Variants in GFM1 observed in about 807,000 individuals in gnomAD.
GFM1 encodes elongation factor G, mitochondrial.
A neutral mutation model predicts 96.2 loss-of-function variants in GFM1; 62 were observed. The observed-to-expected ratio is 0.64, with a 90% CI of 0.53 to 0.80. The LOEUF (loss-of-function observed/expected upper bound fraction) is 0.80. Ranked by LOEUF, GFM1 falls within the 30% of genes least tolerant of loss-of-function variation. The pLI is 0.00. For missense variants in GFM1, 852 were observed against 916.6 expected (o/e 0.93, Z 0.91); for synonymous variants, 282 against 312.9 (o/e 0.90, Z 1.04).
chr3:158,671,666 C>T (rs1014098810), intron 13 of GFM1, among the ~76,000 whole-genome samples: 1 of 152,138 alleles, frequency 6.6e-6, no homozygotes, highest in African/African-American at 2.4e-5. Context: ...AGTTAAAATT[C>T]TGTCAGATAA....
chr3:158,664,233 T>TCAC (rs1723426546), intron 11 of GFM1, among the ~76,000 whole-genome samples: 1 of 152,208 alleles, frequency 6.6e-6, no homozygotes, highest in South Asian at 2.1e-4. Flanking sequence ...ACTTAAGAAG[T>TCAC]TACCACAAAC....
At chr3:158,659,264 T>C (rs1206420097) in intron 9 of GFM1, among the ~76,000 whole-genome samples, 1 of 152,166 alleles carries the variant, frequency 6.6e-6, no homozygotes, top group Non-Finnish European at 1.5e-5. Context: ...TTAATACCGC[T>C]AGTTGTGAAT....
At chr3:158,668,441 A>G (rs1723931113) in intron 13 of GFM1, among the ~76,000 whole-genome samples, 2 of 152,122 alleles carry the variant, frequency 1.3e-5, no homozygotes, top group Non-Finnish European at 2.9e-5. Flanking sequence ...GAACCCATGG[A>G]GAGGCCTGAC....
chr3:158,660,951 C>T lies in GFM1; in HGVS notation c.1299C>T (p.Asp433=), dbSNP rs751124729. 10 of 1,613,770 alleles carry T rather than the reference C, an allele frequency of 6.2e-6. No individual in the cohort carries two copies. Among genetic ancestry groups the T allele is most frequent in the Non-Finnish European group, 8.5e-6 (10 of 1,179,662 alleles). The change falls in exon 10 of 18, where the codon GAC becomes GAT. Residue 433 remains aspartate, a synonymous_variant. Transcript: ENST00000486715. ...GTGCTAGTGGAGACACATTCACAGA[C>T]AAAGCCAACAGCGGCCTTTCTATGG... ...IDCASGDTFT[D]KANSGLSMES...
chr3:158,666,731 C>T (rs1187783116), intron 13 of GFM1: 6 of 1,613,464 alleles, frequency 3.7e-6, no homozygotes, highest in Non-Finnish European at 5.1e-6. Flanking sequence ...TTGCATTTGC[C>T]AGGGAATAAT....
chr3:158,668,928 A>G lies in GFM1; in HGVS notation c.1601+2542A>G, dbSNP rs140797845. ...TGACTATAGGAATACTGTTAATCCAATTATGAATTACAATACTTTCGATAA... is the reference window on the plus strand; with the variant it reads ...TGACTATAGGAATACTGTTAATCCAGTTATGAATTACAATACTTTCGATAA... On this transcript the variant is annotated intron_variant, in intron 13 of 17. Coordinates refer to ENST00000486715, the MANE Select transcript of GFM1 (RefSeq NM_024996.7). The G allele has an allele frequency of 2.2e-5, 31 of 1,379,744 alleles. No individual in the cohort carries two copies. In the African/African-American group the frequency reaches 3.5e-4, roughly 16 times the overall value. 85.5% of individuals were successfully genotyped at this position (1,379,744 alleles called of 1,614,324 possible). A position where few individuals can be genotyped will look rare whatever the true frequency, so the allele number is the denominator to read the frequency against.
At chr3:158,655,485 G>A (rs1275751518) in intron 8 of GFM1, among the ~76,000 whole-genome samples, 6 of 136,518 alleles carry the variant, frequency 4.4e-5, no homozygotes, top group South Asian at 2.3e-4. Context: ...CTTCATCTCG[G>A]AAAAAAAAAA....
chr3:158,654,706 A>T, intron 8 of GFM1, 75 bp downstream of exon 8: 2 of 978,734 alleles, frequency 2.0e-6, no homozygotes, highest in Non-Finnish European at 3.3e-6. Context: ...CTATTACAGA[A>T]TGACTCTGAC....
chr3:158,653,431 C>G lies in GFM1; in HGVS notation c.962C>G (p.Ser321Cys). 1.2e-6 allele frequency: 2 copies of G among 1,613,276 alleles called. No individual in the cohort carries two copies. Among genetic ancestry groups the G allele is most frequent in the East Asian group, 4.5e-5 (2 of 44,816 alleles). The change falls in exon 7 of 18, where the codon TCT becomes TGT. Residue 321 changes from serine (S) to cysteine (C), a missense_variant. Ser to Cys is a moderately radical substitution (Grantham distance 112, BLOSUM62 -1). Coordinates refer to ENST00000486715, the MANE Select transcript of GFM1 (RefSeq NM_024996.7). ...DAVLEYLPNP[S>C]EVQNYAILNK... ...GTTTTAGAATACCTCCCAAATCCAT[C>G]TGAAGTCCAGAACTATGCTATTCTC...
rs1468559533 is a variant in GFM1 at position 158,646,893 on chromosome 3, T to C, written c.518T>C (p.Ile173Thr). ...TACAACGTTCCGTTTCTAACTTTTA[T>C]TAACAAATTGGACCGAATGGGCTCC... ...KRYNVPFLTF[I>T]NKLDRMGSNP... is the part of the protein sequence containing the mutation. Residue 173 changes from isoleucine (I) to threonine (T), a missense_variant, in exon 4 of 18, where the codon ATT becomes ACT. Transcript: ENST00000486715. The C allele has an allele frequency of 6.2e-7, 1 of 1,614,146 alleles. No individual in the cohort carries two copies. Among genetic ancestry groups the C allele is most frequent in the Admixed American group, 1.7e-5 (1 of 60,028 alleles).
rs1041900194 is a variant in GFM1, at chr3:158,671,158, T to G, written c.1601+4772T>G. 1.7e-5 allele frequency: 20 copies of G among 1,192,518 alleles called. No homozygotes were observed. The Middle Eastern group carries it at 9.2e-4, about 55-fold the overall frequency. The allele number at this position is 1,192,518 out of a possible 1,614,324, so 73.9% of individuals were successfully genotyped here. ...AAAGCCTTAGGTCTTGAAAAAGGCA[T>G]GTCACCATGAATGTAACATCTAATT... On this transcript the variant is annotated intron_variant, in intron 13 of 17. Transcript: ENST00000486715.
At position 158,694,863 on chromosome 3, in the gene GFM1, T is replaced by C. The variant is rs1267028893; in HGVS notation, c.*3396T>C. On this transcript the variant is annotated 3_prime_UTR_variant, in exon 18 of 18. Transcript: ENST00000486715. The stretch of plus-strand genomic sequence containing the variant: ...AGACAAAATCCCTGGTATTATTTTA[T>C]ATGTCTTAAGAAAGTTCTAAAGGTA... 6.6e-6 allele frequency among the ~76,000 whole-genome samples: 1 copy of C among 152,226 alleles called. No individual in the cohort carries two copies. The highest frequency in any genetic ancestry group is 2.4e-5 in the African/African-American group (1 of 41,446).
chr3:158,677,025 T>C (rs1433028427), intron 13 of GFM1, among the ~76,000 whole-genome samples: 1 of 152,188 alleles, frequency 6.6e-6, no homozygotes, highest in African/African-American at 2.4e-5. Context: ...TAATAGCATA[T>C]TCTAACTTCA....
Position 158,695,562 on chromosome 3 carries a change from A to T in GFM1, c.*4095A>T, listed in dbSNP as rs1726514011. 1 of 152,202 alleles carries T rather than the reference A, an allele frequency of 6.6e-6. No individual in the cohort carries two copies. The highest frequency in any genetic ancestry group is 6.5e-5 in the Admixed American group (1 of 15,282). The allele number at this position is 152,202 out of a possible 1,614,324, so 9.4% of individuals were successfully genotyped here. Reference sequence around the variant, plus strand: ...ATTGTACTGTAATAAATCTGCTAAAAGGTTACCTTAGAAACATTACCTGGT... The same window carrying T: ...ATTGTACTGTAATAAATCTGCTAAATGGTTACCTTAGAAACATTACCTGGT... On this transcript the variant is annotated 3_prime_UTR_variant, in exon 18 of 18. Transcript: ENST00000486715.
At chr3:158,663,309 T>G (rs939683795) in intron 11 of GFM1, among the ~76,000 whole-genome samples, 1 of 152,228 alleles carries the variant, frequency 6.6e-6, no homozygotes, top group African/African-American at 2.4e-5. Context: ...AAACCATAAC[T>G]TTTTAGTTCT....
At chr3:158,646,060 G>T in intron 2 of GFM1, 105 bp from the exon 3 acceptor site, 1 of 1,382,456 alleles carries the variant, frequency 7.2e-7, no homozygotes, top group East Asian at 2.3e-5. Flanking sequence ...TGGGATTATA[G>T]GCATGAGCCA....
chr3:158,661,017 A>G (rs1200160992), intron 10 of GFM1, 42 bp downstream of exon 10: 2 of 1,517,700 alleles, frequency 1.3e-6, no homozygotes, highest in East Asian at 4.5e-5. Flanking sequence ...CTAGAATTTT[A>G]AAAGTCTGTG....
At chr3:158,652,395 T>A in intron 6 of GFM1, 149 bp downstream of exon 6, 1 of 702,584 alleles carries the variant, frequency 1.4e-6, no homozygotes, top group Non-Finnish European at 2.4e-6. Flanking sequence ...CAAAAAATAC[T>A]TGACATGGTA....
At chr3:158,647,845 T>G (rs1721958014) in intron 4 of GFM1, among the ~76,000 whole-genome samples, 1 of 152,250 alleles carries the variant, frequency 6.6e-6, no homozygotes, top group East Asian at 1.9e-4. Context: ...GTTCATTCTT[T>G]TCTCCACTCC....
Sources: gnomAD v4.1 joint callset for allele counts (sites outside exome capture counted in the v4.1 genomes callset) on GRCh38, gnomAD v4.1.1 for gene constraint, MANE v1.5 for transcripts, NCBI Gene and HGNC (gene_info 2026-07-23, HGNC 2026-07-21) for gene names.